KCNB2: variants seen among roughly 807,000 people sequenced by gnomAD.
KCNB2 encodes potassium voltage-gated channel subfamily B member 2.
Under a neutral mutation model 61.5 loss-of-function variants are expected in KCNB2, and 15 were observed. That is an observed-to-expected ratio of 0.24 (90% CI 0.16 to 0.38). The LOEUF is 0.38. Ranked by LOEUF, KCNB2 falls within the 10% of genes least tolerant of loss-of-function variation. KCNB2 has a pLI of 1.00. For missense variants in KCNB2, 828 were observed against 1,125.2 expected, an observed-to-expected ratio of 0.74 and a Z score of 3.78; for synonymous variants, 457 against 446.0, an observed-to-expected ratio of 1.02 and a Z score of -0.31.
chr8:72,638,856 G>A (rs1171063814), intron 2 of KCNB2, among the ~76,000 whole-genome samples: 1 of 152,070 alleles, frequency 6.6e-6, no homozygotes, highest in African/African-American at 2.4e-5. Flanking sequence ...ATCCTCAAAT[G>A]GAAAAACTCT....
intron 2 of KCNB2, among the ~76,000 whole-genome samples, chr8:72,820,721 A>C (rs1182216021): frequency 6.6e-6 from 1 of 152,084 alleles, no homozygotes; most frequent in African/African-American, 2.4e-5. Context: ...TTGCCTCTTG[A>C]ATTTTTCAAA....
chr8:72,844,623 G>T (rs1055961420), intron 2 of KCNB2, among the ~76,000 whole-genome samples: 10 of 152,150 alleles, frequency 6.6e-5, no homozygotes, highest in Admixed American at 2.6e-4. Context: ...ATTTCTTGGA[G>T]GCTTTGTTCA....
intron 2 of KCNB2, among the ~76,000 whole-genome samples, chr8:72,579,513 A>G (rs1257910000): frequency 6.6e-6 from 1 of 152,178 alleles, no homozygotes; most frequent in East Asian, 1.9e-4. Context: ...ATCAGCATCT[A>G]CATAATACTT....
intron 2 of KCNB2, among the ~76,000 whole-genome samples, chr8:72,893,862 C>T (rs1805942291): frequency 6.6e-6 from 1 of 152,102 alleles, no homozygotes; most frequent in African/African-American, 2.4e-5. Context: ...TAGGTTTGAA[C>T]CCAGGGGTGT....
chr8:72,572,988 C>T (rs1173214028), intron 2 of KCNB2, among the ~76,000 whole-genome samples: 2 of 152,096 alleles, frequency 1.3e-5, no homozygotes, highest in Admixed American at 1.3e-4. Flanking sequence ...TCGGGAGCTG[C>T]TGGTGGCAGA....
chr8:72,802,598 C>T (rs570086324), intron 2 of KCNB2, among the ~76,000 whole-genome samples: 1 of 152,204 alleles, frequency 6.6e-6, no homozygotes, highest in South Asian at 2.1e-4. Flanking sequence ...CCTTCCATCA[C>T]TTGTTTGTTT....
chr8:72,825,051 T>A (rs1809573831), intron 2 of KCNB2, among the ~76,000 whole-genome samples: 1 of 152,212 alleles, frequency 6.6e-6, no homozygotes, highest in Non-Finnish European at 1.5e-5. Context: ...CACTAATTCG[T>A]CTTTCCTCTC....
chr8:72,844,754 C>A (rs961989023), intron 2 of KCNB2, among the ~76,000 whole-genome samples: 1 of 152,186 alleles, frequency 6.6e-6, no homozygotes, highest in African/African-American at 2.4e-5. Flanking sequence ...GTGTATGCTT[C>A]ATGAAGTTCT....
intron 2 of KCNB2, among the ~76,000 whole-genome samples, chr8:72,783,143 T>A (rs912676331): frequency 6.6e-6 from 1 of 152,160 alleles, no homozygotes; most frequent in Admixed American, 6.5e-5. Context: ...AATCCTTTTG[T>A]TTCCACTTCA....
At chr8:72,895,692 C>A (rs1448837019) in intron 2 of KCNB2, among the ~76,000 whole-genome samples, 1 of 152,140 alleles carries the variant, frequency 6.6e-6, no homozygotes, top group African/African-American at 2.4e-5. Context: ...CATAAAGTCA[C>A]AGGCTCAGGG....
At chr8:72,607,767 C>CAT (rs1333124510) in intron 2 of KCNB2, among the ~76,000 whole-genome samples, 3 of 151,748 alleles carry the variant, frequency 2.0e-5, no homozygotes, top group Admixed American at 2.0e-4. Flanking sequence ...AATAGAGACC[C>CAT]ATATATGCAC....
rs974946331 is a variant in KCNB2 at position 72,680,557 on chromosome 8, G to A, written c.579+112244G>A. ...GGCATGGAACAGCTGGTAAAGCAGA[G>A]CTGAGGCTGTCCCATAGTCCAGGTG... On this transcript the variant is annotated intron_variant, in intron 2 of 2. Coordinates refer to ENST00000523207, the MANE Select transcript of KCNB2 (RefSeq NM_004770.3). 2.6e-5 allele frequency among the ~76,000 whole-genome samples: 4 copies of A among 152,248 alleles called. No homozygotes were observed. In the East Asian group the frequency reaches 5.8e-4, roughly 22 times the overall value.
chr8:72,811,972 G>C (rs1436250984), intron 2 of KCNB2, among the ~76,000 whole-genome samples: 1 of 152,178 alleles, frequency 6.6e-6, no homozygotes, highest in Non-Finnish European at 1.5e-5. Context: ...ATGTCAAAAG[G>C]TGAAGCAGGC....
intron 2 of KCNB2, among the ~76,000 whole-genome samples, chr8:72,849,743 C>T (rs4529503): frequency 0.85 from 129,812 of 152,182 alleles, 56,328 homozygotes; most frequent in Middle Eastern, 0.97. Flanking sequence ...CTGGTATCCA[C>T]TTTTCTTTTC....
chr8:72,691,786 A>G (rs540256900), intron 2 of KCNB2, among the ~76,000 whole-genome samples: 1 of 152,130 alleles, frequency 6.6e-6, no homozygotes, highest in African/African-American at 2.4e-5. Flanking sequence ...TGTAATTTCA[A>G]TATTTCCATG....
chr8:72,851,961 C>T (rs890262734), intron 2 of KCNB2, among the ~76,000 whole-genome samples: 3 of 151,432 alleles, frequency 2.0e-5, no homozygotes, highest in Admixed American at 6.6e-5. Flanking sequence ...AGAGGCTGGG[C>T]GTGGTGCCCC....
intron 2 of KCNB2, among the ~76,000 whole-genome samples, chr8:72,624,056 G>A (rs1310555429): frequency 1.3e-5 from 2 of 152,254 alleles, no homozygotes; most frequent in African/African-American, 4.8e-5. Context: ...TACTAGAGAC[G>A]GAATTAGGAG....
At chr8:72,564,042 G>A (rs923124748) in intron 1 of KCNB2, among the ~76,000 whole-genome samples, 9 of 152,042 alleles carry the variant, frequency 5.9e-5, no homozygotes, top group African/African-American at 1.2e-4. Context: ...CTTTTATTGC[G>A]GGACTTGTAA....
intron 2 of KCNB2, among the ~76,000 whole-genome samples, chr8:72,585,928 A>G (rs925914593): frequency 6.6e-6 from 1 of 152,252 alleles, no homozygotes; most frequent in Non-Finnish European, 1.5e-5. Flanking sequence ...AGTAGTTTGA[A>G]ACATTTAAAA....
Sources: allele counts gnomAD v4.1 joint callset (sites outside exome capture counted in the v4.1 genomes callset), GRCh38; gene constraint gnomAD v4.1.1; transcripts MANE v1.5; gene names NCBI Gene and HGNC (gene_info 2026-07-23, HGNC 2026-07-21).